The following LRRTM3 variants were observed in gnomAD, a reference collection of about 807,000 sequenced individuals.
LRRTM3 encodes the protein leucine rich repeat transmembrane neuronal 3, also known as leucine-rich repeat transmembrane neuronal protein 3.
In LRRTM3, 24 loss-of-function variants were observed where a neutral mutation model predicts 44.7. That is an observed-to-expected ratio of 0.54 (90% CI 0.39 to 0.76). The LOEUF (loss-of-function observed/expected upper bound fraction) is 0.76, where lower values mean the gene tolerates loss of function less well. Among genes scored for constraint, LRRTM3 ranks in the 30% least tolerant of loss-of-function variants. The probability of loss-of-function intolerance (pLI) is 0.00; values close to 1 mark genes in which losing one functional copy is unlikely to be tolerated. For missense variants in LRRTM3, 587 were observed against 702.2 expected (o/e 0.84, Z 1.85); for synonymous variants, 277 against 278.7 (o/e 0.99, Z 0.06).
intron 2 of LRRTM3, among the ~76,000 whole-genome samples, chr10:67,053,989 C>T (rs953386743): frequency 3.3e-5 from 5 of 152,064 alleles, no homozygotes; most frequent in Admixed American, 1.3e-4. Flanking sequence ...AAAGTAACTC[C>T]CTCCCCTACA....
intron 2 of LRRTM3, among the ~76,000 whole-genome samples, chr10:66,934,841 T>C (rs941779906): frequency 3.9e-5 from 6 of 152,106 alleles, no homozygotes; most frequent in Admixed American, 2.0e-4. Context: ...TCACATCAAT[T>C]ACATCTATGC....
At chr10:67,059,822 T>G (rs1454799870) in intron 2 of LRRTM3, among the ~76,000 whole-genome samples, 1 of 152,202 alleles carries the variant, frequency 6.6e-6, no homozygotes, top group Non-Finnish European at 1.5e-5. Context: ...CTAATGTATA[T>G]TTGCATATAT....
intron 2 of LRRTM3, among the ~76,000 whole-genome samples, chr10:66,964,277 CT>C (rs566704978): frequency 0.029 from 4,043 of 139,978 alleles, 149 homozygotes; most frequent in African/African-American, 0.093. Context: ...AAGAGCAGGT[CT>C]TTTTTTTTTT....
intron 2 of LRRTM3, among the ~76,000 whole-genome samples, chr10:67,019,320 G>T (rs1852848134): frequency 6.6e-6 from 1 of 152,174 alleles, no homozygotes; most frequent in Non-Finnish European, 1.5e-5. Flanking sequence ...CCGGGTCCAA[G>T]CGCTTCTCCT....
At chr10:67,038,779 T>A (rs2133136875) in intron 2 of LRRTM3, among the ~76,000 whole-genome samples, 1 of 152,224 alleles carries the variant, frequency 6.6e-6, no homozygotes, top group Admixed American at 6.5e-5. Context: ...ATTTTTTAAA[T>A]GTCTCTCTTT....
intron 2 of LRRTM3, among the ~76,000 whole-genome samples, chr10:66,931,521 T>C (rs1847392030): frequency 6.6e-6 from 1 of 152,194 alleles, no homozygotes; most frequent in Non-Finnish European, 1.5e-5. Context: ...AGACAGGCAG[T>C]AAATTGTCTT....
intron 2 of LRRTM3, among the ~76,000 whole-genome samples, chr10:67,042,506 TATGTATAAGACATAGAGTGTGGCAGTGGA>T (rs1230514213): frequency 4.0e-4 from 61 of 152,278 alleles, no homozygotes; most frequent in Non-Finnish European, 7.9e-4. Flanking sequence ...TGGAGTCATA[TATGTATAAGACATAGAGTGTGGCAGTGGA>T]TCAAATAGTG....
chr10:66,970,228 A>T (rs1261214823), intron 2 of LRRTM3, among the ~76,000 whole-genome samples: 1 of 152,164 alleles, frequency 6.6e-6, no homozygotes, highest in Non-Finnish European at 1.5e-5. Context: ...TATTAGATTC[A>T]AGCATCCACA....
chr10:66,954,139 C>T lies in LRRTM3; in HGVS notation c.1536+25687C>T, dbSNP rs566958804. The stretch of plus-strand genomic sequence containing the variant: ...GTCAGTAAATCCAGCCTCTTCTAAA[C>T]ATAAAATATTTATTTAAAATAAAGT... On this transcript the variant is annotated intron_variant, in intron 2 of 2. Transcript: ENST00000361320. Among the ~76,000 whole-genome samples, 217 of 152,124 alleles carry T rather than the reference C, an allele frequency of 1.4e-3. 1 individual carries two copies. Among genetic ancestry groups the T allele is most frequent in the African/African-American group, 4.8e-3 (198 of 41,518 alleles).
intron 2 of LRRTM3, among the ~76,000 whole-genome samples, chr10:67,039,823 T>C (rs565788361): frequency 6.6e-6 from 1 of 152,262 alleles, no homozygotes; most frequent in East Asian, 1.9e-4. Context: ...AGATAATTAT[T>C]GATTGCTATG....
chr10:67,100,631 CT>C lies in LRRTM3; in HGVS notation c.*2837del, dbSNP rs1470398016. 6.6e-6 allele frequency among the ~76,000 whole-genome samples: 1 copy of C among 151,618 alleles called. No individual in the cohort carries two copies. Among genetic ancestry groups the C allele is most frequent in the Non-Finnish European group, 1.5e-5 (1 of 67,782 alleles). On this transcript the variant is annotated 3_prime_UTR_variant, in exon 3 of 3. Coordinates refer to ENST00000361320, the MANE Select transcript of LRRTM3 (RefSeq NM_178011.5). ...CCGATTTAAACAACTGAAATGTTTACTTATGTTTGGAGCTGAAAAATGGAAA... is the reference window on the plus strand; with the variant it reads ...CCGATTTAAACAACTGAAATGTTTACTATGTTTGGAGCTGAAAAATGGAAA...
intron 2 of LRRTM3, among the ~76,000 whole-genome samples, chr10:66,950,760 C>G (rs1210378235): frequency 6.6e-6 from 1 of 152,108 alleles, no homozygotes; most frequent in Non-Finnish European, 1.5e-5. Context: ...ACTATTTAAT[C>G]CTTACAAAAA....
Position 66,943,076 on chromosome 10 carries a change from T to G in LRRTM3, c.1536+14624T>G, listed in dbSNP as rs929227874. On this transcript the variant is annotated intron_variant, in intron 2 of 2. Coordinates refer to ENST00000361320, the MANE Select transcript of LRRTM3 (RefSeq NM_178011.5). ...TAGGAAAAGCACTGAGTTAATTGAC[T>G]GGCTTTGGAAATTTACTTCACAAAG... 5.3e-5 allele frequency among the ~76,000 whole-genome samples: 8 copies of G among 152,340 alleles called. No individual in the cohort carries two copies. In the South Asian group the frequency reaches 1.7e-3, roughly 32 times the overall value.
chr10:67,075,601 T>C (rs1178443709), intron 2 of LRRTM3, among the ~76,000 whole-genome samples: 2 of 152,170 alleles, frequency 1.3e-5, no homozygotes, highest in African/African-American at 2.4e-5. Context: ...AGTGCTCCAG[T>C]CTAGGAAATC....
At chr10:67,089,276 T>C (rs1857491062) in intron 2 of LRRTM3, among the ~76,000 whole-genome samples, 1 of 152,110 alleles carries the variant, frequency 6.6e-6, no homozygotes, top group African/African-American at 2.4e-5. Flanking sequence ...GGATTACATT[T>C]AAGAATTATA....
intron 2 of LRRTM3, among the ~76,000 whole-genome samples, chr10:67,033,730 C>T (rs1347494057): frequency 6.6e-6 from 1 of 152,118 alleles, no homozygotes; most frequent in African/African-American, 2.4e-5. Context: ...ACCCAAGTAG[C>T]CCACTTCTAG....
At chr10:66,950,257 T>A (rs963440261) in intron 2 of LRRTM3, among the ~76,000 whole-genome samples, 4 of 152,166 alleles carry the variant, frequency 2.6e-5, no homozygotes, top group Non-Finnish European at 5.9e-5. Context: ...ATTATTATTA[T>A]TTTACTTCTA....
At chr10:67,021,607 T>C (rs960190353) in intron 2 of LRRTM3, among the ~76,000 whole-genome samples, 5 of 151,998 alleles carry the variant, frequency 3.3e-5, no homozygotes, top group Non-Finnish European at 7.4e-5. Context: ...ATGAGAAACA[T>C]GTAAAAATGG....
At chr10:67,044,129 G>A (rs894997106) in intron 2 of LRRTM3, among the ~76,000 whole-genome samples, 4 of 151,566 alleles carry the variant, frequency 2.6e-5, no homozygotes, top group Admixed American at 6.6e-5. Flanking sequence ...AGTGTCTATT[G>A]TTCCCATTTT....
Sources: allele counts gnomAD v4.1 joint callset (sites outside exome capture counted in the v4.1 genomes callset), GRCh38; gene constraint gnomAD v4.1.1; transcripts MANE v1.5; gene names NCBI Gene and HGNC (gene_info 2026-07-23, HGNC 2026-07-21).